The following RGSL1 variants were observed in gnomAD, a reference collection of about 807,000 sequenced individuals.
The protein encoded by RGSL1 is regulator of G protein signaling protein-like.
In RGSL1, 97 loss-of-function variants were observed where a neutral mutation model predicts 124.7. The ratio of observed to expected loss-of-function variants is 0.78; its 90% CI spans 0.66 to 0.92. The LOEUF is 0.92. Among genes scored for constraint, RGSL1 ranks in the 40% least tolerant of loss-of-function variants. The pLI is 0.00. For synonymous variants in RGSL1, 424 were observed against 438.1 expected, an observed-to-expected ratio of 0.97 and a Z score of 0.40; for missense variants, 1,233 against 1,288.4, an observed-to-expected ratio of 0.96 and a Z score of 0.66.
chr1:182,530,822 A>G lies in RGSL1; in HGVS notation c.2276A>G (p.His759Arg), dbSNP rs147958249. Residue 759 changes from histidine (H) to arginine (R), a missense_variant, in exon 13 of 22, where the codon CAC becomes CGC. His to Arg is a conservative substitution (Grantham distance 29). Transcript: ENST00000294854. ...FKDYQDLFPP[H>R]HQEVEVQSEV... The stretch of plus-strand genomic sequence containing the variant: ...GATTATCAAGACCTGTTCCCACCTC[A>G]CCATCAGGAGGTGGAAGTGCAAAGT... 2,887 of 1,549,782 alleles carry G rather than the reference A, an allele frequency of 1.9e-3. 35 individuals are homozygous for G. In the African/African-American group the frequency reaches 0.023, roughly 12 times the overall value.
chr1:182,488,603 G>C (rs1655276354), intron 7 of RGSL1: 1 of 418,994 alleles, frequency 2.4e-6, no homozygotes, highest in Admixed American at 3.8e-5. Context: ...GCGGGCGCCT[G>C]TAGTCCCAGC....
In RGSL1 at chr1:182,546,832, C is replaced by G. The variant is rs368795684; in HGVS notation, c.2670-1485C>G. Among the ~76,000 whole-genome samples the G allele has an allele frequency of 2.6e-5, 4 of 152,168 alleles. No individual in the cohort carries two copies. The East Asian group carries it at 5.8e-4, about 22-fold the overall frequency. Reference sequence around the variant, plus strand: ...TTACTAATTATAGCAATTATAGTTACTAATTATCTTTACAATAGGGAAAGA... The same window carrying G: ...TTACTAATTATAGCAATTATAGTTAGTAATTATCTTTACAATAGGGAAAGA... On this transcript the variant is annotated intron_variant, in intron 15 of 21. Transcript: ENST00000294854.
intron 2 of RGSL1, among the ~76,000 whole-genome samples, chr1:182,456,439 G>A (rs1402269955): frequency 2.6e-5 from 4 of 152,098 alleles, no homozygotes; most frequent in Admixed American, 6.6e-5. Flanking sequence ...TGGGACTACA[G>A]GCGTGCACCA....
chr1:182,520,696 T>C (rs1180766190), intron 9 of RGSL1, among the ~76,000 whole-genome samples: 1 of 152,138 alleles, frequency 6.6e-6, no homozygotes, highest in Non-Finnish European at 1.5e-5. Context: ...TTTTGCTTTG[T>C]TTTGTTTATT....
intron 14 of RGSL1, 53 bp downstream of exon 14, chr1:182,532,844 G>T: frequency 6.6e-7 from 1 of 1,516,252 alleles, no homozygotes; most frequent in Non-Finnish European, 8.9e-7. Context: ...TAGCCATGAG[G>T]GTCAGCCCAC....
At chr1:182,499,187 G>A (rs1656166967) in intron 9 of RGSL1, among the ~76,000 whole-genome samples, 1 of 152,148 alleles carries the variant, frequency 6.6e-6, no homozygotes, top group African/African-American at 2.4e-5. Context: ...ATGCCAGTTA[G>A]GTCCATTTGG....
At chr1:182,453,811 ACATGCAAATTGAATTGCATGACC>A in intron 1 of RGSL1, 124 bp from the exon 2 acceptor site, 2 of 595,818 alleles carry the variant, frequency 3.4e-6, no homozygotes, top group Non-Finnish European at 6.0e-6. Flanking sequence ...CTGGAGAAGG[ACATGCAAATTGAATTGCATGACC>A]CTAGAGGCTG....
chr1:182,520,135 G>A (rs959146858), intron 9 of RGSL1, among the ~76,000 whole-genome samples: 1 of 152,068 alleles, frequency 6.6e-6, no homozygotes, highest in African/African-American at 2.4e-5. Flanking sequence ...TGAACCTCCG[G>A]ATGAAGTTAT....
At chr1:182,523,697 C>T (rs1658526117) in intron 10 of RGSL1, among the ~76,000 whole-genome samples, 1 of 152,164 alleles carries the variant, frequency 6.6e-6, no homozygotes, top group Non-Finnish European at 1.5e-5. Context: ...CTTTTCCCTA[C>T]CCCTTATTCA....
rs1273552352 is a variant in RGSL1 at position 182,453,945 on chromosome 1, T to C, written c.14-13T>C. 7.3e-7 allele frequency: 1 copy of C among 1,363,736 alleles called. No individual in the cohort carries two copies. 84.5% of individuals were successfully genotyped at this position (1,363,736 alleles called of 1,614,324 possible). ...TTCATGTTTTGTTTTTTTATTTCTC[T>C]CTCTCCATATAGAGATAATTGGTTC... On this transcript the variant is annotated splice_polypyrimidine_tract_variant and intron_variant, in intron 1 of 21. Coordinates refer to ENST00000294854, the MANE Select transcript of RGSL1 (RefSeq NM_001137669.2).
intron 5 of RGSL1, among the ~76,000 whole-genome samples, chr1:182,472,897 C>T: frequency 6.6e-6 from 1 of 152,156 alleles, no homozygotes; most frequent in East Asian, 1.9e-4. Context: ...CTAGAACAAA[C>T]TGCAGCCCAC....
At chr1:182,468,420 T>C (rs1571498099) in intron 4 of RGSL1, among the ~76,000 whole-genome samples, 1 of 152,210 alleles carries the variant, frequency 6.6e-6, no homozygotes, top group Non-Finnish European at 1.5e-5. Context: ...ATATACACCA[T>C]GGAATACTAT....
rs1231660512 is a variant in RGSL1 at position 182,488,330 on chromosome 1, T to C, written c.1477T>C (p.Trp493Arg). Reference protein sequence around the residue: ...YDEFLDEEDYWFLLFTTQNRF... With the variant: ...YDEFLDEEDYRFLLFTTQNRF... Reference sequence around the variant, plus strand: ...TGAGTTTCTAGATGAAGAGGACTACTGGTTTCTCCTTTTTACGGTAGGAAG... The same window carrying C: ...TGAGTTTCTAGATGAAGAGGACTACCGGTTTCTCCTTTTTACGGTAGGAAG... Residue 493 changes from tryptophan (W) to arginine (R), a missense_variant, in exon 7 of 22, where the codon TGG becomes CGG. Coordinates refer to ENST00000294854, the MANE Select transcript of RGSL1 (RefSeq NM_001137669.2). The C allele has an allele frequency of 1.2e-5, 19 of 1,552,248 alleles. No homozygotes were observed. The highest frequency in any genetic ancestry group is 1.7e-5 in the Non-Finnish European group (19 of 1,147,140).
chr1:182,523,056 A>G (rs1170964898), intron 10 of RGSL1, among the ~76,000 whole-genome samples: 1 of 151,072 alleles, frequency 6.6e-6, no homozygotes, highest in Non-Finnish European at 1.5e-5. Context: ...TTTTCTTGAG[A>G]CAGAGTCTCA....
chr1:182,485,606 A>G (rs1187154880), intron 6 of RGSL1, among the ~76,000 whole-genome samples: 3 of 152,148 alleles, frequency 2.0e-5, no homozygotes, highest in African/African-American at 7.2e-5. Flanking sequence ...AGGTCATTAG[A>G]GATTCTGTCA....
At chr1:182,536,628 A>G (rs1659558818) in intron 14 of RGSL1, among the ~76,000 whole-genome samples, 1 of 152,220 alleles carries the variant, frequency 6.6e-6, no homozygotes, top group African/African-American at 2.4e-5. Flanking sequence ...TACCCAAGAC[A>G]GGGAAGAAAA....
intron 10 of RGSL1, among the ~76,000 whole-genome samples, chr1:182,523,675 A>G (rs565570552): frequency 6.6e-6 from 1 of 152,290 alleles, no homozygotes; most frequent in Non-Finnish European, 1.5e-5. Flanking sequence ...CACAGCTGCA[A>G]TTCTCTTAAA....
intron 14 of RGSL1, among the ~76,000 whole-genome samples, chr1:182,537,450 T>C (rs60219956): frequency 0.016 from 2,513 of 152,310 alleles, 60 homozygotes; most frequent in African/African-American, 0.054. Flanking sequence ...AGATAAAGTA[T>C]ATTCAACCCA....
chr1:182,554,892 C>T, intron 20 of RGSL1, 199 bp downstream of exon 20: 1 of 576,776 alleles, frequency 1.7e-6, no homozygotes, highest in Non-Finnish European at 3.1e-6. Context: ...TCACCTCCAA[C>T]TAGGACAGGC....
Sources: gnomAD v4.1 joint callset for allele counts (sites outside exome capture counted in the v4.1 genomes callset) on GRCh38, gnomAD v4.1.1 for gene constraint, MANE v1.5 for transcripts, NCBI Gene and HGNC (gene_info 2026-07-23, HGNC 2026-07-21) for gene names.